The following OCM2 variants were observed in gnomAD, a reference collection of about 807,000 sequenced individuals.
OCM2 encodes oncomodulin 2, also known as oncomodulin-2.
Under a neutral mutation model 13.6 loss-of-function variants are expected in OCM2, and 6 were observed. The ratio of observed to expected loss-of-function variants is 0.44; its 90% CI spans 0.24 to 0.87. OCM2 has a LOEUF of 0.87. Ranked by LOEUF, OCM2 falls within the 40% of genes least tolerant of loss-of-function variation. The probability of loss-of-function intolerance (pLI) is 0.22; values close to 1 mark genes in which losing one functional copy is unlikely to be tolerated. For missense variants in OCM2, 118 were observed against 136.8 expected (o/e 0.86, Z 0.68); for synonymous variants, 40 against 50.7 (o/e 0.79, Z 0.90).
At chr7:97,990,016 T>TGCCTCCCC in intron 1 of OCM2, 28 bp downstream of exon 1, 1 of 1,083,838 alleles carries the variant, frequency 9.2e-7, no homozygotes, top group Non-Finnish European at 1.4e-6. Flanking sequence ...TGTGAGGAAA[T>TGCCTCCCC]CCCACCCCCG....
intron 1 of OCM2, 29 bp downstream of exon 1, chr7:97,990,015 A>AGGGC: frequency 1.3e-6 from 1 of 780,800 alleles, no homozygotes; most frequent in Non-Finnish European, 2.2e-6. Context: ...CTGTGAGGAA[A>AGGGC]TCCCACCCCC....
At chr7:97,989,386 C>CTTACTTAT (rs1554366992) in intron 1 of OCM2, among the ~76,000 whole-genome samples, 142 of 145,268 alleles carry the variant, frequency 9.8e-4, no homozygotes, top group African/African-American at 3.5e-3. Flanking sequence ...CTCTTATTTA[C>CTTACTTAT]TTATTTATTT....
intron 2 of OCM2, 130 bp from the exon 3 acceptor site, chr7:97,987,286 C>G: frequency 1.0e-6 from 1 of 987,256 alleles, no homozygotes; most frequent in South Asian, 1.6e-5. Flanking sequence ...TCTTAGCAAG[C>G]AAAGGTTTCC....
chr7:97,986,524 A>G (rs1794673228), intron 3 of OCM2, among the ~76,000 whole-genome samples: 1 of 152,102 alleles, frequency 6.6e-6, no homozygotes. Context: ...CCTACGGAAG[A>G]CTCAATAAAT....
At chr7:97,985,861 T>A (rs1794666409) in intron 3 of OCM2, among the ~76,000 whole-genome samples, 1 of 152,188 alleles carries the variant, frequency 6.6e-6, no homozygotes, top group Non-Finnish European at 1.5e-5. Context: ...GGACTTGCTT[T>A]ATATTTATTG....
At chr7:97,985,923 T>C (rs1427218498) in intron 3 of OCM2, among the ~76,000 whole-genome samples, 2 of 152,204 alleles carry the variant, frequency 1.3e-5, no homozygotes, top group African/African-American at 2.4e-5. Flanking sequence ...TCTTTTTTTT[T>C]TCTTTTGAGA....
intron 3 of OCM2, among the ~76,000 whole-genome samples, chr7:97,986,065 A>T (rs1207871307): frequency 6.6e-6 from 1 of 152,126 alleles, no homozygotes; most frequent in Non-Finnish European, 1.5e-5. Context: ...GGTGCCCACC[A>T]CCATGCCCGG....
chr7:97,990,026 G>A lies in OCM2; in HGVS notation c.61+18C>T, dbSNP rs373764601. ...AAAGCTGTGAGGAAATCCCACCCCC[G>A]CCCCACGTCCCCTCTACCTTGGCAT... On this transcript the variant is annotated intron_variant, in intron 1 of 3. Coordinates refer to ENST00000257627, the Ensembl canonical transcript of OCM2. 18 of 581,630 alleles carry A rather than the reference G, an allele frequency of 3.1e-5. No homozygotes were observed. Among genetic ancestry groups the A allele is most frequent in the Admixed American group, 5.8e-5 (2 of 34,544 alleles). The allele number at this position is 581,630 out of a possible 1,614,324, so 36.0% of individuals were successfully genotyped here.
rs1347177083 is a variant in OCM2 at position 97,987,103 on chromosome 7, G to A, written c.248C>T (p.Thr83Ile). The change falls in exon 3 of 4, where the codon ACC (threonine) becomes ATC (isoleucine). Residue 83 changes from threonine (T) to isoleucine (I), a missense_variant. Physicochemically the swap from Thr to Ile is moderately conservative, Grantham distance 89. Coordinates refer to ENST00000257627, the Ensembl canonical transcript of OCM2. The stretch of plus-strand genomic sequence containing the variant: ...ATCCGCCGCAGCCATCAAGGACTTG[G>A]TTTCTGACTCGGTCAGTTCTCTGGC... 7 of 1,613,750 alleles carry A rather than the reference G, an allele frequency of 4.3e-6. No individual in the cohort carries two copies. In the Admixed American group the frequency reaches 1.2e-4, roughly 27 times the overall value.
intron 2 of OCM2, among the ~76,000 whole-genome samples, 167 bp from the exon 3 acceptor site, chr7:97,987,323 A>G (rs1030471532): frequency 3.9e-5 from 6 of 152,136 alleles, no homozygotes; most frequent in Non-Finnish European, 7.4e-5. Context: ...AATGGTGGGC[A>G]CTTCATTTTT....
chr7:97,989,969 A>G (rs1794715560), intron 1 of OCM2, 75 bp downstream of exon 1: 2 of 1,512,398 alleles, frequency 1.3e-6, no homozygotes, highest in Non-Finnish European at 9.2e-7. Flanking sequence ...CCTGGCCTAC[A>G]TTTTGATTTT....
chr7:97,986,873 T>C (rs1409753477), intron 3 of OCM2, among the ~76,000 whole-genome samples, 174 bp downstream of exon 3: 1 of 152,152 alleles, frequency 6.6e-6, no homozygotes, highest in Non-Finnish European at 1.5e-5. Context: ...CCAGGGTTTT[T>C]ACACACATCA....
intron 2 of OCM2, among the ~76,000 whole-genome samples, chr7:97,987,544 T>G (rs1794685032): frequency 6.6e-6 from 1 of 151,928 alleles, no homozygotes; most frequent in South Asian, 2.1e-4. Flanking sequence ...GAGACAAGGT[T>G]TTGTCATGTT....
exon 4 of OCM2, chr7:97,984,703 A>G: frequency 2.0e-6 from 1 of 511,246 alleles, no homozygotes; most frequent in Non-Finnish European, 3.5e-6. Flanking sequence ...GCCTGTCTTT[A>G]TTGGGTGATT....
chr7:97,989,961 TG>T, intron 1 of OCM2, 82 bp downstream of exon 1: 2 of 1,440,376 alleles, frequency 1.4e-6, no homozygotes, highest in Non-Finnish European at 1.9e-6. Flanking sequence ...TCTGGCCGCC[TG>T]GCCTACATTT....
chr7:97,987,148 A>T, exon 3 of OCM2: 1 of 1,613,636 alleles, frequency 6.2e-7, no homozygotes, highest in Non-Finnish European at 8.5e-7. Context: ...AAACTTCTGG[A>T]GGAAAAACCT....
intron 1 of OCM2, among the ~76,000 whole-genome samples, chr7:97,989,496 CT>C (rs1167081122): frequency 6.6e-6 from 1 of 151,864 alleles, no homozygotes. Flanking sequence ...ACCTCCTGGG[CT>C]TGAGTGATCC....
intron 3 of OCM2, 96 bp downstream of exon 3, chr7:97,986,951 A>G: frequency 6.4e-7 from 1 of 1,565,254 alleles, no homozygotes; most frequent in Non-Finnish European, 8.7e-7. Context: ...TAAGAAAGGG[A>G]GATTTTAAGC....
chr7:97,989,056 G>A (rs1336798773), intron 1 of OCM2, among the ~76,000 whole-genome samples: 4 of 150,380 alleles, frequency 2.7e-5, no homozygotes, highest in Admixed American at 6.7e-5. Context: ...TCAGCCTCCC[G>A]AGTAGCTGGG....
Sources: allele counts gnomAD v4.1 joint callset (sites outside exome capture counted in the v4.1 genomes callset), GRCh38; gene constraint gnomAD v4.1.1; transcripts MANE v1.5; gene names NCBI Gene and HGNC (gene_info 2026-07-23, HGNC 2026-07-21).